Variants in PPP2CA observed in about 807,000 individuals in gnomAD.
PPP2CA encodes serine/threonine-protein phosphatase 2A catalytic subunit alpha isoform.
PPP2CA carries 5 observed loss-of-function variants against 38.8 expected under a neutral mutation model. The ratio of observed to expected loss-of-function variants is 0.13; its 90% confidence interval spans 0.07 to 0.27. PPP2CA has a LOEUF of 0.27. Ranked by LOEUF, PPP2CA falls within the 10% of genes least tolerant of loss-of-function variation. PPP2CA has a pLI of 1.00. For missense variants in PPP2CA, 88 were observed against 389.7 expected (o/e 0.23, Z 6.52); for synonymous variants, 152 against 134.0 (o/e 1.13, Z -0.93).
intron 2 of PPP2CA, among the ~76,000 whole-genome samples, chr5:134,204,832 C>G: frequency 6.6e-6 from 1 of 151,938 alleles, no homozygotes; most frequent in Non-Finnish European, 1.5e-5. Context: ...TATGTACATA[C>G]ATAATGTATG....
intron 1 of PPP2CA, among the ~76,000 whole-genome samples, chr5:134,210,556 A>T (rs1561739311): frequency 6.6e-6 from 1 of 152,224 alleles, no homozygotes; most frequent in Non-Finnish European, 1.5e-5. Flanking sequence ...AAAAGAATGT[A>T]ATTAGGGCCG....
intron 1 of PPP2CA, among the ~76,000 whole-genome samples, chr5:134,213,377 A>G (rs1762248217): frequency 6.6e-6 from 1 of 151,884 alleles, no homozygotes; most frequent in Admixed American, 6.6e-5. Flanking sequence ...AGCACGGTAT[A>G]CTGAATATTT....
At chr5:134,214,649 T>C (rs1371819439) in intron 1 of PPP2CA, among the ~76,000 whole-genome samples, 1 of 152,234 alleles carries the variant, frequency 6.6e-6, no homozygotes, top group Admixed American at 6.5e-5. Flanking sequence ...TTATTTCTCC[T>C]CTTATACAAG....
intron 5 of PPP2CA, 141 bp downstream of exon 5, chr5:134,200,192 GAA>G: frequency 1.2e-6 from 1 of 852,832 alleles, no homozygotes; most frequent in African/African-American, 1.8e-5. Context: ...TGCATCTACT[GAA>G]AAGGCTCAGG....
At chr5:134,211,766 G>A (rs993844879) in intron 1 of PPP2CA, among the ~76,000 whole-genome samples, 1 of 151,726 alleles carries the variant, frequency 6.6e-6, no homozygotes, top group Non-Finnish European at 1.5e-5. Context: ...ATAAGCCACT[G>A]CGCCCAGTGG....
chr5:134,204,087 T>C (rs577015253), intron 2 of PPP2CA, among the ~76,000 whole-genome samples: 1 of 152,164 alleles, frequency 6.6e-6, no homozygotes, highest in Non-Finnish European at 1.5e-5. Context: ...AAAATAACGA[T>C]CTCCAAAAAT....
chr5:134,215,403 C>G (rs1762296278), intron 1 of PPP2CA, among the ~76,000 whole-genome samples: 1 of 151,766 alleles, frequency 6.6e-6, no homozygotes, highest in African/African-American at 2.4e-5. Flanking sequence ...AACCCCATCT[C>G]TACCAAAAAA....
chr5:134,219,908 G>A (rs528793609), intron 1 of PPP2CA, among the ~76,000 whole-genome samples: 57 of 151,742 alleles, frequency 3.8e-4, no homozygotes, highest in African/African-American at 1.3e-3. Context: ...CTACTCAGGA[G>A]GCTGAGGCAG....
rs1033765095 is a variant in PPP2CA, at chr5:134,226,035, C to T, written c.-174G>A. 2.9e-5 allele frequency: 16 copies of T among 542,488 alleles called. No homozygotes were observed. Among genetic ancestry groups the T allele is most frequent in the Non-Finnish European group, 4.2e-5 (13 of 312,388 alleles). The allele number at this position is 542,488 out of a possible 1,614,324, so 33.6% of individuals were successfully genotyped here. On this transcript the variant is annotated 5_prime_UTR_variant, in exon 1 of 7. Coordinates refer to ENST00000481195, the MANE Select transcript of PPP2CA (RefSeq NM_002715.4). Reference sequence around the variant, plus strand: ...ACTCGGCCGTCGGCCGCTGCGCCTCCTCCTCCGCTCGCTGAGGCTCCAGAG... The same window carrying T: ...ACTCGGCCGTCGGCCGCTGCGCCTCTTCCTCCGCTCGCTGAGGCTCCAGAG...
At chr5:134,201,620 C>A (rs1761967884) in intron 3 of PPP2CA, among the ~76,000 whole-genome samples, 1 of 152,188 alleles carries the variant, frequency 6.6e-6, no homozygotes, top group Admixed American at 6.5e-5. Context: ...ATCACCCACC[C>A]CTGTGATCCC....
chr5:134,222,656 C>T lies in PPP2CA; in HGVS notation c.102+3104G>A, dbSNP rs188228273. On this transcript the variant is annotated intron_variant, in intron 1 of 6. Transcript: ENST00000481195. Reference sequence around the variant, plus strand: ...AAGTCACATAATAAAAGATTGTTTACTGTAGTCAATGCAAAAGCAAGTTGA... The same window carrying T: ...AAGTCACATAATAAAAGATTGTTTATTGTAGTCAATGCAAAAGCAAGTTGA... Among the ~76,000 whole-genome samples, 7 of 152,302 alleles carry T rather than the reference C, an allele frequency of 4.6e-5. No individual in the cohort carries two copies. The East Asian group carries it at 1.3e-3, about 29-fold the overall frequency.
At chr5:134,209,734 C>T (rs1242355588) in intron 1 of PPP2CA, among the ~76,000 whole-genome samples, 3 of 151,596 alleles carry the variant, frequency 2.0e-5, no homozygotes, top group Non-Finnish European at 2.9e-5. Flanking sequence ...GCCAAGATCG[C>T]TCCACTGCAC....
intron 1 of PPP2CA, among the ~76,000 whole-genome samples, chr5:134,214,411 AT>A (rs1351842688): frequency 6.6e-6 from 1 of 152,192 alleles, no homozygotes; most frequent in Non-Finnish European, 1.5e-5. Context: ...CATTTGAATT[AT>A]TTCCTTTCAA....
At chr5:134,210,315 T>C (rs538998663) in intron 1 of PPP2CA, among the ~76,000 whole-genome samples, 1 of 152,304 alleles carries the variant, frequency 6.6e-6, no homozygotes, top group Admixed American at 6.5e-5. Flanking sequence ...AACCAGACTT[T>C]TAAGTAACTT....
chr5:134,209,637 G>A (rs769272960), intron 1 of PPP2CA, among the ~76,000 whole-genome samples: 12 of 151,942 alleles, frequency 7.9e-5, no homozygotes, highest in Admixed American at 5.2e-4. Flanking sequence ...AAACAGCTGG[G>A]TGTTGTGGTG....
intron 2 of PPP2CA, among the ~76,000 whole-genome samples, chr5:134,203,734 T>C (rs1225946095): frequency 3.3e-5 from 5 of 152,024 alleles, no homozygotes; most frequent in African/African-American, 7.2e-5. Flanking sequence ...TAAGTTTTTT[T>C]CCCCCCAGAT....
At chr5:134,211,061 CT>C (rs777575316) in intron 1 of PPP2CA, among the ~76,000 whole-genome samples, 1 of 152,014 alleles carries the variant, frequency 6.6e-6, no homozygotes, top group Non-Finnish European at 1.5e-5. Flanking sequence ...TGCAGATTAA[CT>C]TGAAGAAAAG....
At chr5:134,220,136 G>A (rs186571550) in intron 1 of PPP2CA, among the ~76,000 whole-genome samples, 1 of 151,170 alleles carries the variant, frequency 6.6e-6, no homozygotes, top group East Asian at 2.0e-4. Context: ...TACCACTTCT[G>A]CCCCAGAAGC....
intron 1 of PPP2CA, among the ~76,000 whole-genome samples, chr5:134,206,582 T>C (rs1762089396): frequency 1.3e-5 from 2 of 152,194 alleles, no homozygotes; most frequent in Admixed American, 1.3e-4. Context: ...CACTGTAGCC[T>C]GGATCTTCTT....
Sources: allele counts gnomAD v4.1 joint callset (sites outside exome capture counted in the v4.1 genomes callset), GRCh38; gene constraint gnomAD v4.1.1; transcripts MANE v1.5; gene names NCBI Gene and HGNC (gene_info 2026-07-23, HGNC 2026-07-21).